Variants in GSDME observed in about 807,000 individuals in gnomAD.
GSDME encodes the protein gasdermin-E.
Under a neutral mutation model 47.5 loss-of-function variants are expected in GSDME, and 44 were observed. The ratio of observed to expected loss-of-function variants is 0.93; its 90% CI spans 0.73 to 1.19. The LOEUF (loss-of-function observed/expected upper bound fraction) is 1.19. GSDME is among the 50% of genes most tolerant of loss of function. The probability of loss-of-function intolerance (pLI) is 0.00; values close to 1 mark genes in which losing one functional copy is unlikely to be tolerated. For missense variants in GSDME, 663 were observed against 604.2 expected (o/e 1.10, Z -1.02); for synonymous variants, 258 against 252.8 (o/e 1.02, Z -0.20).
intron 3 of GSDME, among the ~76,000 whole-genome samples, chr7:24,731,344 G>A (rs1790137941): frequency 6.6e-6 from 1 of 152,220 alleles, no homozygotes; most frequent in African/African-American, 2.4e-5. Context: ...CTTATTTTGG[G>A]GAACACGGGT....
At chr7:24,731,938 C>T (rs1347900534) in intron 3 of GSDME, among the ~76,000 whole-genome samples, 1 of 152,130 alleles carries the variant, frequency 6.6e-6, no homozygotes, top group African/African-American at 2.4e-5. Flanking sequence ...TGAAGTTTAC[C>T]ACCCTGAATT....
chr7:24,744,620 CA>C lies in GSDME; in HGVS notation c.345del (p.Phe115LeufsTer4). The C allele has an allele frequency of 1.2e-6, 2 of 1,614,190 alleles. No individual in the cohort carries two copies. The highest frequency in any genetic ancestry group is 1.7e-6 in the Non-Finnish European group (2 of 1,180,036). On this transcript the variant is annotated frameshift_variant, in exon 3 of 10. Transcript: ENST00000645220. LOFTEE classifies it high-confidence loss of function. This position sits in a 1 kb window ranked among gnomAD's most constrained non-coding sequence, Gnocchi z 4.5. ...TCCACCTCCTGCTTCCTCAGGGTTC[CA>C]AATGAAGACTGGCTCTCTACGCGGC... ...GSSRVESQSS[F>X]GTLRKQEVDL...
rs1011763788 is a variant in GSDME, at chr7:24,745,626, C to G, written c.212-872G>C. 2.6e-5 allele frequency among the ~76,000 whole-genome samples: 4 copies of G among 152,112 alleles called. No individual in the cohort carries two copies. Among genetic ancestry groups the G allele is most frequent in the African/African-American group, 9.7e-5 (4 of 41,418 alleles). Reference sequence around the variant, plus strand: ...ACAAAAACCACCCTAAAAATAGTCTCTGTGTGGTGGCTCACATTTGTAATC... The same window carrying G: ...ACAAAAACCACCCTAAAAATAGTCTGTGTGTGGTGGCTCACATTTGTAATC... On this transcript the variant is annotated intron_variant, in intron 2 of 9. Coordinates refer to ENST00000645220, the MANE Select transcript of GSDME (RefSeq NM_001127453.2). This position sits in a 1 kb window ranked among gnomAD's most constrained non-coding sequence, Gnocchi z 4.4.
chr7:24,762,653 G>C (rs931370428), upstream of GSDME, among the ~76,000 whole-genome samples: 1 of 152,020 alleles, frequency 6.6e-6, no homozygotes, highest in Non-Finnish European at 1.5e-5. Flanking sequence ...CAGGTCTGTG[G>C]GCTTTGTAGT....
chr7:24,707,714 C>T (rs1441792180), intron 7 of GSDME: 3 of 403,554 alleles, frequency 7.4e-6, no homozygotes, highest in African/African-American at 4.0e-5. Flanking sequence ...GGGAAGCCCA[C>T]ATGGAGACAG....
the GSDME span, among the ~76,000 whole-genome samples, chr7:24,779,521 G>GTGTGTGTGTGTGTGTGTGTGTC: frequency 5.9e-5 from 9 of 151,796 alleles, no homozygotes; most frequent in African/African-American, 2.2e-4. This position sits in a 1 kb window ranked among gnomAD's most constrained non-coding sequence, Gnocchi z 6.0. Context: ...GTGTGTGTGT[G>GTGTGTGTGTGTGTGTGTGTGTC]TGTGTGTGTC....
Position 24,719,185 on chromosome 7 carries a change from CT to C in GSDME, c.437del (p.Gln146ArgfsTer13). 1 of 1,613,320 alleles carries C rather than the reference CT, an allele frequency of 6.2e-7. No individual in the cohort carries two copies. The highest frequency in any genetic ancestry group is 1.1e-5 in the South Asian group (1 of 91,080). On this transcript the variant is annotated frameshift_variant, in exon 4 of 10. Transcript: ENST00000645220. LOFTEE classifies it high-confidence loss of function. ...TINLRNPVLQQVLEGRNEVLC... is the reference protein window; with the variant it reads ...TINLRNPVLQXVLEGRNEVLC... ...GGACCTCATTCCTTCCTTCCAGCAC[CT>C]GCTGGAGCACAGGGTTTCTCAGATT...
rs963603866 is a variant in GSDME at position 24,736,842 on chromosome 7, A to G, written c.404+7720T>C. Reference sequence around the variant, plus strand: ...CTGACCACAGTGGAATAAAAAAACTATATAGCAATAACAAGGGGAATTTGT... The same window carrying G: ...CTGACCACAGTGGAATAAAAAAACTGTATAGCAATAACAAGGGGAATTTGT... On this transcript the variant is annotated intron_variant, in intron 3 of 9. Transcript: ENST00000645220. The surrounding 1 kb of genome is among the most constrained non-coding windows in gnomAD (Gnocchi z 4.6). Among the ~76,000 whole-genome samples the G allele has an allele frequency of 1.2e-4, 18 of 152,252 alleles. No individual in the cohort carries two copies. Among genetic ancestry groups the G allele is most frequent in the Admixed American group, 6.5e-5 (1 of 15,286 alleles).
At chr7:24,708,591 G>GTAAAT (rs71535704) in intron 6 of GSDME, among the ~76,000 whole-genome samples, 2,538 of 152,322 alleles carry the variant, frequency 0.017, 30 homozygotes, top group Non-Finnish European at 0.027. Flanking sequence ...TTCTCTAGAA[G>GTAAAT]TAAATTATCA....
intron 3 of GSDME, among the ~76,000 whole-genome samples, chr7:24,723,093 C>T (rs1036257595): frequency 3.9e-5 from 6 of 152,244 alleles, no homozygotes; most frequent in African/African-American, 1.2e-4. Flanking sequence ...AACACTTCCA[C>T]CCAAGTCACT....
chr7:24,706,120 T>C, intron 8 of GSDME, 64 bp downstream of exon 8: 3 of 1,585,538 alleles, frequency 1.9e-6, no homozygotes, highest in South Asian at 1.1e-5. Flanking sequence ...CCCAGAAGCA[T>C]AGATAGTAGG....
chr7:24,760,772 A>C (rs1791154720), upstream of GSDME, among the ~76,000 whole-genome samples: 1 of 152,248 alleles, frequency 6.6e-6, no homozygotes, highest in African/African-American at 2.4e-5. The surrounding 1 kb of genome is among the most constrained non-coding windows in gnomAD (Gnocchi z 4.2). Flanking sequence ...AGTGCTTTTT[A>C]AACTGGAGAC....
At position 24,721,586 on chromosome 7, in the gene GSDME, G is replaced by T. The variant is rs1284308408; in HGVS notation, c.405-2368C>A. ...GGTTTAGATGACATGCATGCAGTGAGCCATTAGGGTGTGCCGAGCACAGAG... is the reference window on the plus strand; with the variant it reads ...GGTTTAGATGACATGCATGCAGTGATCCATTAGGGTGTGCCGAGCACAGAG... On this transcript the variant is annotated intron_variant, in intron 3 of 9. Transcript: ENST00000645220. The surrounding 1 kb of genome is among the most constrained non-coding windows in gnomAD (Gnocchi z 4.1). Among the ~76,000 whole-genome samples the T allele has an allele frequency of 6.6e-6, 1 of 152,210 alleles. No homozygotes were observed. The highest frequency in any genetic ancestry group is 1.9e-4 in the East Asian group (1 of 5,200).
intron 5 of GSDME, 178 bp downstream of exon 5, chr7:24,717,076 C>T (rs945928057): frequency 3.0e-6 from 2 of 676,724 alleles, no homozygotes; most frequent in Non-Finnish European, 2.5e-6. Context: ...ACACCCCTCC[C>T]CCAGTGCAGC....
chr7:24,751,012 G>T (rs1301947624), intron 1 of GSDME, among the ~76,000 whole-genome samples: 1 of 152,132 alleles, frequency 6.6e-6, no homozygotes, highest in Non-Finnish European at 1.5e-5. Flanking sequence ...AAATGAAACT[G>T]TGAAAGTACT....
the GSDME span, among the ~76,000 whole-genome samples, chr7:24,793,461 C>T: frequency 3.9e-5 from 6 of 152,224 alleles, no homozygotes; most frequent in East Asian, 1.2e-3. Flanking sequence ...AGGTAAAAAT[C>T]TACATTTTTA....
At position 24,742,131 on chromosome 7, in the gene GSDME, G is replaced by A. The variant is rs1052546006; in HGVS notation, c.404+2431C>T. The stretch of plus-strand genomic sequence containing the variant: ...GGAGAGCAGGCCTCGCTATGCACAT[G>A]TGCCTGCTCAGGATAGTTTCTATTC... On this transcript the variant is annotated intron_variant, in intron 3 of 9. Transcript: ENST00000645220. The surrounding 1 kb of genome is among the most constrained non-coding windows in gnomAD (Gnocchi z 4.4). Among the ~76,000 whole-genome samples, 2 of 152,194 alleles carry A rather than the reference G, an allele frequency of 1.3e-5. No individual in the cohort carries two copies. Among genetic ancestry groups the A allele is most frequent in the Admixed American group, 6.5e-5 (1 of 15,284 alleles).
chr7:24,789,553 T>C, the GSDME span, among the ~76,000 whole-genome samples: 1 of 152,210 alleles, frequency 6.6e-6, no homozygotes, highest in Non-Finnish European at 1.5e-5. Context: ...TTCACAATGC[T>C]TTTCCATACA....
chr7:24,750,249 C>T (rs1405581423), intron 1 of GSDME, among the ~76,000 whole-genome samples: 3 of 152,134 alleles, frequency 2.0e-5, no homozygotes, highest in Non-Finnish European at 4.4e-5. Flanking sequence ...CAAGGCAGAT[C>T]GTTTATAACT....
Sources: allele counts gnomAD v4.1 joint callset (sites outside exome capture counted in the v4.1 genomes callset), GRCh38; gene constraint gnomAD v4.1.1; non-coding constraint Gnocchi (gnomAD v3.1); transcripts MANE v1.5; gene names NCBI Gene and HGNC (gene_info 2026-07-23, HGNC 2026-07-21).